GPHN: variants seen among roughly 807,000 people sequenced by gnomAD.
GPHN encodes the protein gephyrin.
GPHN carries 17 observed loss-of-function variants against 95.5 expected under a neutral mutation model. The ratio of observed to expected loss-of-function variants is 0.18; its 90% CI spans 0.12 to 0.27. GPHN has a LOEUF of 0.27. Ranked by LOEUF, GPHN falls within the 10% of genes least tolerant of loss-of-function variation. The pLI, the probability that GPHN is intolerant of heterozygous loss-of-function variation, is 1.00. For missense variants in GPHN, 660 were observed against 978.1 expected (o/e 0.67, Z 4.34); for synonymous variants, 320 against 322.5 (o/e 0.99, Z 0.08).
the GPHN span, among the ~76,000 whole-genome samples, chr14:67,660,559 G>T: frequency 3.9e-5 from 6 of 152,116 alleles, 1 homozygote; most frequent in Admixed American, 3.9e-4. Context: ...AATGATAGGG[G>T]TCTGGCATCA....
At chr14:67,204,418 G>A in the GPHN span, 1 of 1,353,798 alleles carries the variant, frequency 7.4e-7, no homozygotes, top group Non-Finnish European at 9.7e-7. Flanking sequence ...CTCCAACGTG[G>A]GCAACAGAGT....
the GPHN span, among the ~76,000 whole-genome samples, chr14:67,301,657 T>C: frequency 3.9e-4 from 60 of 152,322 alleles, no homozygotes; most frequent in African/African-American, 1.4e-3. Context: ...AAATTATTTT[T>C]GAAACAACTT....
At chr14:66,524,801 T>C (rs1013594084) in intron 1 of GPHN, among the ~76,000 whole-genome samples, 2 of 152,160 alleles carry the variant, frequency 1.3e-5, no homozygotes, top group African/African-American at 4.8e-5. Context: ...TCCAGCTTCA[T>C]CGATGTCCCT....
At chr14:66,891,619 C>A (rs2064505392) in intron 5 of GPHN, among the ~76,000 whole-genome samples, 1 of 152,038 alleles carries the variant, frequency 6.6e-6, no homozygotes, top group Admixed American at 6.6e-5. Context: ...AAAGCATAGG[C>A]AGCAAACAAA....
chr14:67,550,915 C>T, the GPHN span, among the ~76,000 whole-genome samples: 2 of 152,190 alleles, frequency 1.3e-5, no homozygotes, highest in East Asian at 3.8e-4. Context: ...AATAGAGATA[C>T]TAACAGTACC....
chr14:66,914,312 T>C (rs576960839), intron 5 of GPHN, among the ~76,000 whole-genome samples: 32 of 152,246 alleles, frequency 2.1e-4, no homozygotes, highest in Admixed American at 5.9e-4. Flanking sequence ...AACCTTCTAA[T>C]GGAGGGAGTT....
intron 1 of GPHN, among the ~76,000 whole-genome samples, chr14:66,661,556 C>T (rs1006083179): frequency 6.6e-6 from 1 of 152,210 alleles, no homozygotes; most frequent in African/African-American, 2.4e-5. Context: ...CTCAACCTTT[C>T]CAGCCTGTGG....
chr14:67,723,524 TG>T, the GPHN span, among the ~76,000 whole-genome samples: 2 of 152,210 alleles, frequency 1.3e-5, no homozygotes, highest in African/African-American at 4.8e-5. Flanking sequence ...CATGAGCCAC[TG>T]GGCTCAGCCT....
chr14:67,212,578 A>C, the GPHN span, among the ~76,000 whole-genome samples: 1 of 122,260 alleles, frequency 8.2e-6, no homozygotes, highest in African/African-American at 3.2e-5. Context: ...GTGACAGAGC[A>C]AGACCCTGTT....
the GPHN span, among the ~76,000 whole-genome samples, chr14:67,286,539 C>T: frequency 6.6e-6 from 1 of 152,060 alleles, no homozygotes; most frequent in Admixed American, 6.6e-5. Context: ...AAGAATGGAA[C>T]ATTTCTTTGA....
intron 1 of GPHN, among the ~76,000 whole-genome samples, chr14:66,676,261 A>G (rs563893941): frequency 9.8e-4 from 149 of 152,206 alleles, no homozygotes; most frequent in African/African-American, 3.4e-3. Flanking sequence ...GCAAAGAGGG[A>G]CAACTTGCCT....
rs572318217 is a variant in GPHN, at chr14:66,746,897, C to G, written c.144-29567C>G. On this transcript the variant is annotated intron_variant, in intron 2 of 22. Coordinates refer to ENST00000478722, the MANE Select transcript of GPHN (RefSeq NM_020806.5). ...TTTTGACTCCTGCAGTCTCTCATTT[C>G]TGTCTTCTTTTATTTTAGCTGCCAT... Among the ~76,000 whole-genome samples the G allele has an allele frequency of 2.0e-5, 3 of 152,216 alleles. 1 individual carries two copies. In the South Asian group the frequency reaches 6.2e-4, roughly 32 times the overall value.
At chr14:67,702,057 T>C in the GPHN span, 1 of 152,144 alleles carries the variant, frequency 6.6e-6, no homozygotes, top group Non-Finnish European at 1.5e-5. Flanking sequence ...TCTCAAATGA[T>C]CCACCTGCCT....
chr14:66,892,491 A>C (rs1195679004), intron 5 of GPHN, among the ~76,000 whole-genome samples: 1 of 152,174 alleles, frequency 6.6e-6, no homozygotes, highest in East Asian at 1.9e-4. Flanking sequence ...TATTCACCTT[A>C]CCCAAAAGTT....
chr14:66,611,926 AATAATTCCCC>A (rs1298448085), intron 1 of GPHN, among the ~76,000 whole-genome samples: 2 of 152,126 alleles, frequency 1.3e-5, no homozygotes, highest in African/African-American at 2.4e-5. Flanking sequence ...GAATATGTAG[AATAATTCCCC>A]ATTGACTAAT....
At position 66,965,256 on chromosome 14, in the gene GPHN, T is replaced by G. The variant is rs1434572729; in HGVS notation, c.894T>G (p.Thr298=). The G allele has an allele frequency of 1.2e-6, 2 of 1,611,758 alleles. No individual in the cohort carries two copies. Among genetic ancestry groups the G allele is most frequent in the South Asian group, 2.2e-5 (2 of 91,054 alleles). ...VLPRDTASLS[T]TPSESPRAQA... Reference sequence around the variant, plus strand: ...CACGAGACACAGCCTCCCTCAGCACTACTCCTTCAGAATCGCCTCGTGCTC... The same window carrying G: ...CACGAGACACAGCCTCCCTCAGCACGACTCCTTCAGAATCGCCTCGTGCTC... Residue 298 remains threonine, a synonymous_variant, in exon 9 of 23, where the codon ACT becomes ACG. Coordinates refer to ENST00000478722, the MANE Select transcript of GPHN (RefSeq NM_020806.5).
chr14:67,579,739 T>C, the GPHN span: 141 of 1,612,792 alleles, frequency 8.7e-5, no homozygotes, highest in Non-Finnish European at 8.8e-5. Context: ...TTTTGACGGC[T>C]CTTCCACGGT....
the GPHN span, among the ~76,000 whole-genome samples, chr14:67,437,647 G>T: frequency 6.6e-6 from 1 of 152,194 alleles, no homozygotes; most frequent in Non-Finnish European, 1.5e-5. Context: ...GCTGGGACTT[G>T]CTGGAGGAGG....
intron 9 of GPHN, among the ~76,000 whole-genome samples, chr14:66,976,122 AG>A (rs2070204759): frequency 6.6e-6 from 1 of 152,206 alleles, no homozygotes; most frequent in African/African-American, 2.4e-5. Flanking sequence ...ATAAAGTACT[AG>A]AGACAGAGAT....
Sources: gnomAD v4.1 joint callset for allele counts (sites outside exome capture counted in the v4.1 genomes callset) on GRCh38, gnomAD v4.1.1 for gene constraint, MANE v1.5 for transcripts, NCBI Gene and HGNC (gene_info 2026-07-23, HGNC 2026-07-21) for gene names.